CNTLN: variants seen among roughly 807,000 people sequenced by gnomAD.
CNTLN encodes the protein centlein, centrosomal protein.
A neutral mutation model predicts 180.0 loss-of-function variants in CNTLN; 212 were observed. The observed-to-expected ratio is 1.18, with a 90% confidence interval of 1.05 to 1.32. The LOEUF is 1.32. Ranked by LOEUF, CNTLN falls within the 40% of genes most tolerant of loss-of-function variation. The pLI is 0.00. For missense variants in CNTLN, 2,095 were observed against 1,610.9 expected (o/e 1.30, Z -5.14); for synonymous variants, 722 against 563.1 (o/e 1.28, Z -3.99).
At chr9:17,449,491 A>G (rs1039135644) in intron 18 of CNTLN, among the ~76,000 whole-genome samples, 2 of 151,402 alleles carry the variant, frequency 1.3e-5, no homozygotes, top group South Asian at 2.1e-4. Flanking sequence ...AACTTAAAGT[A>G]TAATAATAAA....
chr9:17,445,736 C>T (rs1206909406), intron 18 of CNTLN, among the ~76,000 whole-genome samples: 3 of 152,000 alleles, frequency 2.0e-5, no homozygotes, highest in East Asian at 1.9e-4. Context: ...AATATGGCCT[C>T]GTGGGAAGGG....
intron 25 of CNTLN, among the ~76,000 whole-genome samples, chr9:17,498,072 A>C (rs1272462381): frequency 6.6e-6 from 1 of 152,136 alleles, no homozygotes; most frequent in Non-Finnish European, 1.5e-5. Context: ...ATCTTACAAG[A>C]AGTATCTTTT....
intron 18 of CNTLN, among the ~76,000 whole-genome samples, chr9:17,449,582 T>A (rs1237456157): frequency 6.6e-6 from 1 of 152,198 alleles, no homozygotes; most frequent in Admixed American, 6.5e-5. Flanking sequence ...AGTCAAACTC[T>A]TTTTTCTGTG....
intron 12 of CNTLN, among the ~76,000 whole-genome samples, chr9:17,349,426 T>C (rs1822180136): frequency 6.6e-6 from 1 of 152,172 alleles, no homozygotes; most frequent in Admixed American, 6.5e-5. Context: ...AAAAAAGATA[T>C]ACTATTAATA....
chr9:17,385,263 G>C (rs1486191609), intron 13 of CNTLN, among the ~76,000 whole-genome samples: 1 of 152,178 alleles, frequency 6.6e-6, no homozygotes, highest in Non-Finnish European at 1.5e-5. Flanking sequence ...CACAGAGTTT[G>C]TTATGGAGCT....
intron 12 of CNTLN, among the ~76,000 whole-genome samples, chr9:17,351,047 G>A (rs1403696118): frequency 6.6e-6 from 1 of 152,072 alleles, no homozygotes; most frequent in Non-Finnish European, 1.5e-5. Flanking sequence ...GGTAACTAAA[G>A]GATACTTTTT....
intron 2 of CNTLN, among the ~76,000 whole-genome samples, chr9:17,181,270 G>C (rs1378574909): frequency 6.6e-6 from 1 of 152,062 alleles, no homozygotes; most frequent in African/African-American, 2.4e-5. Flanking sequence ...GTTCTCTTTT[G>C]CTTTTCACTG....
chr9:17,506,930 G>C (rs1444872281), downstream of CNTLN, among the ~76,000 whole-genome samples: 1 of 152,052 alleles, frequency 6.6e-6, no homozygotes, highest in African/African-American at 2.4e-5. Flanking sequence ...AATTAAATCA[G>C]GGTAATTATA....
chr9:17,466,252 G>A, intron 22 of CNTLN, 134 bp downstream of exon 22: 1 of 682,526 alleles, frequency 1.5e-6, no homozygotes, highest in Non-Finnish European at 2.5e-6. Context: ...AAGAGGATTT[G>A]TATCTCTACA....
At position 17,199,377 on chromosome 9, in the gene CNTLN, A is replaced by T. The variant is rs555210472; in HGVS notation, c.450-26826A>T. ...CAGGCATGTGCCACCACACCTGGCT[A>T]ATTTTTTGTGTTTTTAATAGAGACT... is the stretch of plus-strand genomic sequence containing the variant. On this transcript the variant is annotated intron_variant, in intron 2 of 25. Coordinates refer to ENST00000380647, the MANE Select transcript of CNTLN (RefSeq NM_017738.4). Among the ~76,000 whole-genome samples, 8 of 151,872 alleles carry T rather than the reference A, an allele frequency of 5.3e-5. No homozygotes were observed. The South Asian group carries it at 1.5e-3, about 28-fold the overall frequency.
intron 13 of CNTLN, among the ~76,000 whole-genome samples, chr9:17,376,266 C>T (rs1239173298): frequency 1.3e-5 from 2 of 151,906 alleles, no homozygotes; most frequent in South Asian, 4.2e-4. Context: ...AGACTTTATC[C>T]TTGGTTTACT....
intron 12 of CNTLN, among the ~76,000 whole-genome samples, chr9:17,348,301 C>T (rs1822077974): frequency 6.6e-6 from 1 of 152,114 alleles, no homozygotes; most frequent in Non-Finnish European, 1.5e-5. Context: ...TATGTGTATT[C>T]TATTTTGAGA....
chr9:17,497,436 G>T (rs182468685), intron 25 of CNTLN, among the ~76,000 whole-genome samples: 58 of 152,250 alleles, frequency 3.8e-4, no homozygotes, highest in Non-Finnish European at 4.4e-4. Flanking sequence ...TAAAGAACTT[G>T]CTGGCAGTTC....
At chr9:17,184,501 T>C (rs1387044833) in intron 2 of CNTLN, among the ~76,000 whole-genome samples, 1 of 152,090 alleles carries the variant, frequency 6.6e-6, no homozygotes. Flanking sequence ...AGAAGTACTA[T>C]TAAAAGATAA....
chr9:17,319,712 A>C (rs1175204586), intron 8 of CNTLN, among the ~76,000 whole-genome samples: 2 of 152,220 alleles, frequency 1.3e-5, no homozygotes, highest in African/African-American at 4.8e-5. Context: ...TACACAAGAC[A>C]ATGAATGGTG....
At chr9:17,144,021 G>A (rs1321582669) in intron 2 of CNTLN, among the ~76,000 whole-genome samples, 1 of 152,016 alleles carries the variant, frequency 6.6e-6, no homozygotes, top group African/African-American at 2.4e-5. Flanking sequence ...CTTAGTAAAT[G>A]GATTTCATTA....
At chr9:17,241,370 G>C (rs1013977406) in intron 5 of CNTLN, among the ~76,000 whole-genome samples, 9 of 152,090 alleles carry the variant, frequency 5.9e-5, no homozygotes, top group Admixed American at 5.9e-4. Flanking sequence ...CACTGTAGAT[G>C]TATCACTATA....
At chr9:17,376,380 CAT>C (rs1292040268) in intron 13 of CNTLN, among the ~76,000 whole-genome samples, 2 of 151,914 alleles carry the variant, frequency 1.3e-5, no homozygotes, top group African/African-American at 4.8e-5. Context: ...TAGTTCACAA[CAT>C]GTTAGAGATA....
At chr9:17,214,518 T>A (rs1823585421) in intron 2 of CNTLN, among the ~76,000 whole-genome samples, 2 of 152,196 alleles carry the variant, frequency 1.3e-5, no homozygotes, top group South Asian at 2.1e-4. Flanking sequence ...TTGGTGAATC[T>A]GACAATTATG....
Sources: gnomAD v4.1 joint callset for allele counts (sites outside exome capture counted in the v4.1 genomes callset) on GRCh38, gnomAD v4.1.1 for gene constraint, MANE v1.5 for transcripts, NCBI Gene and HGNC (gene_info 2026-07-23, HGNC 2026-07-21) for gene names.